EPHA7: variants seen among roughly 807,000 people sequenced by gnomAD.
EPHA7 encodes the protein EPH receptor A7, also known as ephrin type-A receptor 7.
In EPHA7, 25 loss-of-function variants were observed where a neutral mutation model predicts 112.6. The ratio of observed to expected loss-of-function variants is 0.22; its 90% CI spans 0.16 to 0.31. EPHA7 has a LOEUF of 0.31. Among genes scored for constraint, EPHA7 ranks in the 10% least tolerant of loss-of-function variants. The pLI is 1.00. For synonymous variants in EPHA7, 437 were observed against 406.5 expected, an observed-to-expected ratio of 1.07 and a Z score of -0.90; for missense variants, 962 against 1,212.6, an observed-to-expected ratio of 0.79 and a Z score of 3.07.
At chr6:93,371,987 C>G (rs1039690016) in intron 3 of EPHA7, among the ~76,000 whole-genome samples, 3 of 152,068 alleles carry the variant, frequency 2.0e-5, no homozygotes, top group Non-Finnish European at 4.4e-5. Flanking sequence ...TGGAATGGAT[C>G]AGACAATATT....
intron 3 of EPHA7, among the ~76,000 whole-genome samples, chr6:93,408,413 C>G (rs1778818543): frequency 6.6e-6 from 1 of 152,020 alleles, no homozygotes; most frequent in Non-Finnish European, 1.5e-5. Flanking sequence ...TCTCTACTTA[C>G]CCAGTGGAAT....
At chr6:93,293,304 G>A (rs1772482817) in intron 5 of EPHA7, among the ~76,000 whole-genome samples, 1 of 151,834 alleles carries the variant, frequency 6.6e-6, no homozygotes, top group South Asian at 2.1e-4. Context: ...TTATGTTTCA[G>A]AATATTTAGG....
intron 3 of EPHA7, among the ~76,000 whole-genome samples, chr6:93,396,023 C>A (rs1176262473): frequency 6.6e-6 from 1 of 151,810 alleles, no homozygotes; most frequent in African/African-American, 2.4e-5. Flanking sequence ...GCACAGATGT[C>A]TTTTTTTGTA....
Position 93,242,061 on chromosome 6 carries a change from A to G in EPHA7, c.*1365T>C, listed in dbSNP as rs556605977. On this transcript the variant is annotated 3_prime_UTR_variant, in exon 17 of 17. Coordinates refer to ENST00000369303, the MANE Select transcript of EPHA7 (RefSeq NM_004440.4). ...ATAAGTTTTGAAAGCATTAATCACA[A>G]TATGTATACATTCCTGCAATATCTA... 4.9e-6 allele frequency: 1 copy of G among 202,250 alleles called. No homozygotes were observed. The highest frequency in any genetic ancestry group is 7.6e-5 in the East Asian group (1 of 13,178). 12.5% of individuals were successfully genotyped at this position (202,250 alleles called of 1,614,324 possible). A position where few individuals can be genotyped will look rare whatever the true frequency, so the allele number is the denominator to read the frequency against.
At chr6:93,341,023 C>T (rs1279541407) in intron 5 of EPHA7, among the ~76,000 whole-genome samples, 2 of 151,884 alleles carry the variant, frequency 1.3e-5, no homozygotes, top group South Asian at 2.1e-4. Flanking sequence ...AAAGTACTCA[C>T]CCTTTCTCCT....
chr6:93,381,690 C>T (rs543544887), intron 3 of EPHA7, among the ~76,000 whole-genome samples: 21 of 151,810 alleles, frequency 1.4e-4, no homozygotes, highest in African/African-American at 4.6e-4. Flanking sequence ...AAAACAATTA[C>T]ATCCTGGAAT....
At chr6:93,313,017 A>C (rs1228827700) in intron 5 of EPHA7, among the ~76,000 whole-genome samples, 2 of 152,174 alleles carry the variant, frequency 1.3e-5, no homozygotes, top group Non-Finnish European at 2.9e-5. Context: ...TACAGTAGTA[A>C]CATCAAAGAT....
intron 3 of EPHA7, among the ~76,000 whole-genome samples, chr6:93,373,696 T>C (rs778098987): frequency 6.6e-6 from 1 of 152,054 alleles, no homozygotes; most frequent in Non-Finnish European, 1.5e-5. Context: ...CACCAATATC[T>C]CCAAAGCTAT....
rs747889940 is a variant in EPHA7 at position 93,308,949 on chromosome 6, CT to C, written c.1325-36528del. ...GACAATTACTTACAAATAATTCAAA[CT>C]TTTTTTTTTTTTTTAAACTACAGAG... On this transcript the variant is annotated intron_variant, in intron 5 of 16. Transcript: ENST00000369303. Among the ~76,000 whole-genome samples the C allele has an allele frequency of 6.1e-3, 877 of 144,428 alleles. 1 individual carries two copies. Among genetic ancestry groups the C allele is most frequent in the Middle Eastern group, 0.015 (4 of 274 alleles). The allele number at this position is 144,428 out of a possible 152,430, so 94.8% of individuals were successfully genotyped here.
At chr6:93,332,099 T>C (rs1490614739) in intron 5 of EPHA7, among the ~76,000 whole-genome samples, 2 of 151,656 alleles carry the variant, frequency 1.3e-5, no homozygotes, top group East Asian at 1.9e-4. Context: ...CTTTTAGTAA[T>C]AGCACTTGTT....
intron 5 of EPHA7, among the ~76,000 whole-genome samples, chr6:93,317,848 C>G (rs1773885359): frequency 6.6e-6 from 1 of 152,106 alleles, no homozygotes; most frequent in Non-Finnish European, 1.5e-5. Flanking sequence ...GAGTCATTAA[C>G]TAGAGAGAGA....
At chr6:93,270,688 G>A (rs1355270341) in intron 6 of EPHA7, among the ~76,000 whole-genome samples, 1 of 151,568 alleles carries the variant, frequency 6.6e-6, no homozygotes, top group Admixed American at 6.6e-5. Context: ...TTGCAAAAGT[G>A]TAAATAAATA....
intron 3 of EPHA7, among the ~76,000 whole-genome samples, chr6:93,403,004 A>G (rs765446647): frequency 6.6e-6 from 1 of 152,084 alleles, no homozygotes; most frequent in Admixed American, 6.6e-5. Context: ...GTGACAATAG[A>G]TAACAGTTAT....
chr6:93,252,737 A>G (rs910441917), intron 14 of EPHA7, among the ~76,000 whole-genome samples: 42 of 151,960 alleles, frequency 2.8e-4, no homozygotes, highest in African/African-American at 9.7e-4. Flanking sequence ...AAACTGACCT[A>G]TCTAGGTAAT....
intron 9 of EPHA7, chr6:93,260,460 A>G: frequency 1.2e-6 from 1 of 852,910 alleles, no homozygotes; most frequent in Non-Finnish European, 1.4e-6. Flanking sequence ...TATTAATGCA[A>G]TAAAAATTAC....
intron 14 of EPHA7, among the ~76,000 whole-genome samples, chr6:93,254,298 C>G (rs993349849): frequency 6.6e-6 from 1 of 152,102 alleles, no homozygotes; most frequent in African/African-American, 2.4e-5. Flanking sequence ...AACCAAACTT[C>G]CTTCCCTCCT....
intron 2 of EPHA7, among the ~76,000 whole-genome samples, chr6:93,414,420 T>TA (rs1168777809): frequency 2.0e-5 from 3 of 151,910 alleles, no homozygotes; most frequent in Non-Finnish European, 4.4e-5. Flanking sequence ...ATGTTCCCTG[T>TA]AATTAGTTAG....
chr6:93,418,974 C>T (rs1779389631), intron 1 of EPHA7, among the ~76,000 whole-genome samples: 1 of 152,206 alleles, frequency 6.6e-6, no homozygotes, highest in South Asian at 2.1e-4. Context: ...ACCCCCGTTG[C>T]TGCTCACGCC....
In EPHA7 at chr6:93,247,006, A is replaced by T. The variant is rs777630770; in HGVS notation, c.2533-21T>A. On this transcript the variant is annotated intron_variant, in intron 14 of 16. Coordinates refer to ENST00000369303, the MANE Select transcript of EPHA7 (RefSeq NM_004440.4). Reference sequence around the variant, plus strand: ...ATAACCTAATAGCCAAAAGGACATTACAAATATTACTGATTTAGGTTCAAT... The same window carrying T: ...ATAACCTAATAGCCAAAAGGACATTTCAAATATTACTGATTTAGGTTCAAT... 2.6e-6 allele frequency: 4 copies of T among 1,533,610 alleles called. No homozygotes were observed. The South Asian group carries it at 4.9e-5, about 19-fold the overall frequency.
Sources: gnomAD v4.1 joint callset for allele counts (sites outside exome capture counted in the v4.1 genomes callset) on GRCh38, gnomAD v4.1.1 for gene constraint, MANE v1.5 for transcripts, NCBI Gene and HGNC (gene_info 2026-07-23, HGNC 2026-07-21) for gene names.